Variants in THADA observed in about 807,000 individuals in gnomAD.
THADA encodes tRNA (32-2'-O)-methyltransferase regulator THADA.
A neutral mutation model predicts 219.8 loss-of-function variants in THADA; 213 were observed. The observed-to-expected ratio is 0.97, with a 90% CI of 0.87 to 1.09. The LOEUF is 1.09. Ranked by LOEUF, THADA falls within the 50% of genes least tolerant of loss-of-function variation. The pLI, the probability that THADA is intolerant of heterozygous loss-of-function variation, is 0.00. For synonymous variants in THADA, 1,018 were observed against 828.9 expected (o/e 1.23, Z -3.92); for missense variants, 2,956 against 2,311.3 (o/e 1.28, Z -5.72).
At chr2:43,301,274 A>G (rs1278720377) in intron 31 of THADA, among the ~76,000 whole-genome samples, 1 of 152,232 alleles carries the variant, frequency 6.6e-6, no homozygotes, top group Non-Finnish European at 1.5e-5. Context: ...AAAATTCACC[A>G]TGCCCCAATT....
intron 36 of THADA, among the ~76,000 whole-genome samples, chr2:43,252,724 G>C (rs954285756): frequency 4.6e-5 from 7 of 152,076 alleles, no homozygotes; most frequent in Admixed American, 3.3e-4. Flanking sequence ...CAGTGCTCTT[G>C]TCAATCTGAT....
chr2:43,393,298 A>G (rs1673621209), intron 29 of THADA, among the ~76,000 whole-genome samples: 1 of 152,242 alleles, frequency 6.6e-6, no homozygotes. Context: ...CAACTGAGTG[A>G]TAAAGTATAT....
intron 26 of THADA, among the ~76,000 whole-genome samples, chr2:43,468,790 G>A (rs1684568503): frequency 6.6e-6 from 1 of 152,106 alleles, no homozygotes; most frequent in Non-Finnish European, 1.5e-5. Flanking sequence ...CTAAGGAAAG[G>A]AAGACCAAGT....
At chr2:43,348,348 A>G (rs1640777146) in intron 29 of THADA, among the ~76,000 whole-genome samples, 1 of 152,186 alleles carries the variant, frequency 6.6e-6, no homozygotes, top group African/African-American at 2.4e-5. Context: ...ACTAAGACGG[A>G]GGGTCAATGC....
Position 43,556,535 on chromosome 2 carries a change from G to C in THADA, c.2484C>G (p.Gly828=). Residue 828 remains glycine, a synonymous_variant, in exon 17 of 38, where the codon GGC becomes GGG. Coordinates refer to ENST00000405975, the MANE Select transcript of THADA (RefSeq NM_022065.5). Reference sequence around the variant, plus strand: ...TGAGCTCCAATGCTGCCTGAAATAAGCCTTGCAGTTTCCCCGAATCCTAGA... The same window carrying C: ...TGAGCTCCAATGCTGCCTGAAATAACCCTTGCAGTTTCCCCGAATCCTAGA... ...VHFQDSGKLQ[G]LFQAALELST... is the part of the protein sequence containing the mutation. 6.2e-7 allele frequency: 1 copy of C among 1,613,638 alleles called. No homozygotes were observed. The highest frequency in any genetic ancestry group is 8.5e-7 in the Non-Finnish European group (1 of 1,179,714).
chr2:43,293,170 G>T lies in THADA; in HGVS notation c.4482C>A (p.Ile1494=), dbSNP rs769563791. 2.5e-6 allele frequency: 4 copies of T among 1,613,644 alleles called. No individual in the cohort carries two copies. The Admixed American group carries it at 5.0e-5, about 20-fold the overall frequency. ...ATCCCGTTATCAGCTCTGATCCTGA[G>T]ATAATCCCTCTGACTTCCTCCCAGA... ...LGFWEEVRGI[I]SGSELITGFP... is the part of the protein sequence containing the mutation. The change falls in exon 32 of 38, where the codon ATC becomes ATA. Residue 1494 remains isoleucine (I), a synonymous_variant. Coordinates refer to ENST00000405975, the MANE Select transcript of THADA (RefSeq NM_022065.5).
intron 31 of THADA, among the ~76,000 whole-genome samples, chr2:43,296,094 A>G (rs886375320): frequency 3.3e-5 from 5 of 151,444 alleles, no homozygotes; most frequent in African/African-American, 9.7e-5. Flanking sequence ...TAATTTTTGT[A>G]TATTTAGTAG....
intron 29 of THADA, among the ~76,000 whole-genome samples, chr2:43,371,447 A>AT (rs1573322726): frequency 6.6e-6 from 1 of 152,202 alleles, no homozygotes; most frequent in African/African-American, 2.4e-5. Context: ...GTAGATACTG[A>AT]TTTTTCATAA....
intron 16 of THADA, among the ~76,000 whole-genome samples, chr2:43,557,530 G>A (rs1697523198): frequency 6.6e-6 from 1 of 152,186 alleles, no homozygotes; most frequent in South Asian, 2.1e-4. Context: ...TTCAGCCTCA[G>A]AAATTATGCA....
intron 21 of THADA, among the ~76,000 whole-genome samples, chr2:43,532,077 A>G (rs1236196222): frequency 1.3e-5 from 2 of 151,662 alleles, no homozygotes; most frequent in South Asian, 2.1e-4. Context: ...TGGAGCCCCT[A>G]TCCAGCACAC....
chr2:43,489,677 G>A (rs145652177), intron 25 of THADA, among the ~76,000 whole-genome samples: 19 of 152,020 alleles, frequency 1.2e-4, no homozygotes, highest in African/African-American at 4.6e-4. Flanking sequence ...TTAAATGTGG[G>A]GGTTTATTTC....
At chr2:43,480,545 C>T (rs754094090) in intron 26 of THADA, among the ~76,000 whole-genome samples, 3 of 152,106 alleles carry the variant, frequency 2.0e-5, no homozygotes, top group Non-Finnish European at 4.4e-5. Flanking sequence ...ACCCTGGCCG[C>T]TCACGCCTAT....
chr2:43,516,419 T>C (rs985903514), intron 22 of THADA, among the ~76,000 whole-genome samples: 2 of 152,166 alleles, frequency 1.3e-5, no homozygotes, highest in African/African-American at 4.8e-5. Context: ...TTGGTTTACC[T>C]GATGTTCCTT....
At chr2:43,396,947 G>A (rs1261979202) in intron 29 of THADA, among the ~76,000 whole-genome samples, 1 of 152,112 alleles carries the variant, frequency 6.6e-6, no homozygotes, top group African/African-American at 2.4e-5. Context: ...TAACAATAAT[G>A]ACTGTCTATA....
chr2:43,388,426 A>C (rs921853792), intron 29 of THADA, among the ~76,000 whole-genome samples: 3 of 152,206 alleles, frequency 2.0e-5, no homozygotes, highest in African/African-American at 7.2e-5. Flanking sequence ...AGATGAAAAA[A>C]AAACTTGGAA....
intron 26 of THADA, among the ~76,000 whole-genome samples, chr2:43,462,329 G>T (rs1318625021): frequency 6.6e-6 from 1 of 152,074 alleles, no homozygotes; most frequent in Non-Finnish European, 1.5e-5. Context: ...GTCCATGAAA[G>T]CCATTTGAAA....
At chr2:43,283,874 T>A (rs1231049569) in intron 35 of THADA, among the ~76,000 whole-genome samples, 1 of 152,204 alleles carries the variant, frequency 6.6e-6, no homozygotes, top group African/African-American at 2.4e-5. Flanking sequence ...GCTGCAGAAT[T>A]TGCATAAGTA....
intron 29 of THADA, among the ~76,000 whole-genome samples, chr2:43,371,031 T>G (rs899020908): frequency 6.6e-6 from 1 of 152,248 alleles, no homozygotes; most frequent in Non-Finnish European, 1.5e-5. Context: ...ATTACATTTC[T>G]GCTTTGAAGT....
Position 43,430,259 on chromosome 2 carries a change from G to A in THADA, c.3880C>T (p.Pro1294Ser), listed in dbSNP as rs763522533. ...EFFSRFPELY[P>S]FLLKQLETVA... Reference sequence around the variant, plus strand: ...GTTTCCAACTGTTTGAGAAGAAAAGGATAGAGTTCTGGGAAACGAGAGAAA... The same window carrying A: ...GTTTCCAACTGTTTGAGAAGAAAAGAATAGAGTTCTGGGAAACGAGAGAAA... The change falls in exon 27 of 38, where the codon CCT becomes TCT. Residue 1294 changes from proline to serine, a missense_variant. Transcript: ENST00000405975. 184 of 1,552,384 alleles carry A rather than the reference G, an allele frequency of 1.2e-4. No homozygotes were observed. The highest frequency in any genetic ancestry group is 1.7e-4 in the Middle Eastern group (1 of 5,990).
Sources: gnomAD v4.1 joint callset for allele counts (sites outside exome capture counted in the v4.1 genomes callset) on GRCh38, gnomAD v4.1.1 for gene constraint, MANE v1.5 for transcripts, NCBI Gene and HGNC (gene_info 2026-07-23, HGNC 2026-07-21) for gene names.